Variants in COX5A observed in about 807,000 individuals in gnomAD.
COX5A encodes the protein cytochrome c oxidase subunit 5A, mitochondrial.
COX5A carries 6 observed loss-of-function variants against 16.1 expected under a neutral mutation model. The ratio of observed to expected loss-of-function variants is 0.37; its 90% CI spans 0.20 to 0.73. COX5A has a LOEUF of 0.73. COX5A is among the 30% of genes least tolerant of loss of function. The pLI is 0.50. For missense variants in COX5A, 159 were observed against 194.9 expected, an observed-to-expected ratio of 0.82 and a Z score of 1.10; for synonymous variants, 73 against 73.8, an observed-to-expected ratio of 0.99 and a Z score of 0.06.
At chr15:74,928,913 A>C (rs2141272436) in intron 2 of COX5A, among the ~76,000 whole-genome samples, 1 of 152,320 alleles carries the variant, frequency 6.6e-6, no homozygotes, top group Middle Eastern at 3.4e-3. Context: ...CCCCTACAAC[A>C]AAGAATTATC....
Position 74,926,747 on chromosome 15 carries a change from G to C in COX5A, c.339+19C>G, listed in dbSNP as rs546553770. The C allele has an allele frequency of 6.8e-5, 109 of 1,599,092 alleles. No individual in the cohort carries two copies. The Middle Eastern group carries it at 8.3e-4, about 12-fold the overall frequency. ...CCCACTCATTTACAGAACAATTTTA[G>C]CATTATTATTTCACTGACCTTAACA... On this transcript the variant is annotated intron_variant, in intron 3 of 4. Transcript: ENST00000322347.
In COX5A at chr15:74,926,802, A is replaced by C. The variant is rs752698153; in HGVS notation, c.303T>G (p.Asp101Glu). The C allele has an allele frequency of 6.2e-7, 1 of 1,613,954 alleles. No homozygotes were observed. Among genetic ancestry groups the C allele is most frequent in the South Asian group, 1.1e-5 (1 of 91,054 alleles). ...CTAGGATACGAACTGTACTAGCAAA[A>C]TCATTTAACCGTCTGCATGCCCGCA... ...AALRACRRLN[D>E]FASTVRILEV... The change falls in exon 3 of 5, where the codon GAT becomes GAG. Residue 101 changes from aspartate (D) to glutamate (E), a missense_variant. Asp to Glu is a conservative substitution (Grantham distance 45). Transcript: ENST00000322347.
chr15:74,920,702 A>C (rs1181085266), intron 4 of COX5A, among the ~76,000 whole-genome samples: 1 of 152,116 alleles, frequency 6.6e-6, no homozygotes, highest in African/African-American at 2.4e-5. Flanking sequence ...TTTGGGCCGG[A>C]CACGGTGACT....
At chr15:74,933,736 A>G (rs1411189779) in intron 1 of COX5A, among the ~76,000 whole-genome samples, 1 of 152,166 alleles carries the variant, frequency 6.6e-6, no homozygotes, top group Non-Finnish European at 1.5e-5. Flanking sequence ...ACTCCTAAGT[A>G]TTTACCCAAT....
chr15:74,930,380 T>G (rs2065361481), intron 1 of COX5A, among the ~76,000 whole-genome samples: 1 of 132,882 alleles, frequency 7.5e-6, no homozygotes, highest in Non-Finnish European at 1.5e-5. Context: ...ATTGTGCCAC[T>G]GCACTCCAGC....
At chr15:74,929,297 C>A in intron 1 of COX5A, 65 bp from the exon 2 acceptor site, 1 of 1,169,422 alleles carries the variant, frequency 8.6e-7, no homozygotes, top group South Asian at 1.3e-5. Context: ...TTGTTCAATG[C>A]ATTAAATTTT....
chr15:74,927,520 T>G (rs2065349551), intron 2 of COX5A, among the ~76,000 whole-genome samples: 1 of 151,928 alleles, frequency 6.6e-6, no homozygotes, highest in South Asian at 2.1e-4. Context: ...TTGGATGCTT[T>G]AAAAGAGATT....
intron 2 of COX5A, among the ~76,000 whole-genome samples, chr15:74,927,361 G>A (rs1274465547): frequency 6.6e-6 from 1 of 152,006 alleles, no homozygotes; most frequent in East Asian, 1.9e-4. Flanking sequence ...ATTTTTAGTA[G>A]AGACGGGGTT....
In COX5A at chr15:74,926,879, T is replaced by C. The variant is rs2065346885; in HGVS notation, c.226A>G (p.Thr76Ala). The change falls in exon 3 of 5, where the codon ACA becomes GCA. Residue 76 changes from threonine to alanine, a missense_variant. Thr to Ala is a moderately conservative substitution (Grantham distance 58, BLOSUM62 0). Coordinates refer to ENST00000322347, the MANE Select transcript of COX5A (RefSeq NM_004255.4). Reference protein sequence around the residue: ...DAWELRKGINTLVTYDMVPEP... With the variant: ...DAWELRKGINALVTYDMVPEP... Reference sequence around the variant, plus strand: ...GGAACCATATCATAGGTAACAAGTGTGTTTATCCCTGCAAAATTAAAAAGA... The same window carrying C: ...GGAACCATATCATAGGTAACAAGTGCGTTTATCCCTGCAAAATTAAAAAGA... 1 of 1,609,654 alleles carries C rather than the reference T, an allele frequency of 6.2e-7. No individual in the cohort carries two copies. The highest frequency in any genetic ancestry group is 8.5e-7 in the Non-Finnish European group (1 of 1,178,708).
chr15:74,930,694 A>G (rs550287419), intron 1 of COX5A, among the ~76,000 whole-genome samples: 1 of 148,988 alleles, frequency 6.7e-6, no homozygotes, highest in South Asian at 2.1e-4. Flanking sequence ...TCTTAAATAA[A>G]CTTATATACT....
At chr15:74,932,759 C>T (rs1191918669) in intron 1 of COX5A, among the ~76,000 whole-genome samples, 4 of 151,384 alleles carry the variant, frequency 2.6e-5, no homozygotes, top group Non-Finnish European at 4.4e-5. Flanking sequence ...TGCAATGGCA[C>T]GATTTCGGCT....
intron 4 of COX5A, 32 bp downstream of exon 4, chr15:74,923,616 T>C (rs1298254836): frequency 7.7e-7 from 1 of 1,300,844 alleles, no homozygotes; most frequent in African/African-American, 1.5e-5. Context: ...TCTGGATTGT[T>C]TTCCTGCCTT....
chr15:74,932,986 G>A (rs969355285), intron 1 of COX5A, among the ~76,000 whole-genome samples: 4 of 151,576 alleles, frequency 2.6e-5, no homozygotes, highest in Admixed American at 2.0e-4. Flanking sequence ...ATGAGCCACG[G>A]TGCCCAGCCT....
intron 4 of COX5A, among the ~76,000 whole-genome samples, chr15:74,921,376 C>A (rs2065319045): frequency 1.4e-5 from 2 of 142,626 alleles, no homozygotes; most frequent in African/African-American, 2.6e-5. Context: ...CCACTGCACT[C>A]CAGCCTGGGT....
intron 1 of COX5A, among the ~76,000 whole-genome samples, chr15:74,930,472 A>AAC (rs1478355230): frequency 2.6e-3 from 36 of 14,068 alleles, no homozygotes; most frequent in Admixed American, 6.8e-3. Context: ...AAAAAGCAAC[A>AAC]AAAAAAAAAA....
rs2065331710 is a variant in COX5A at position 74,923,741 on chromosome 15, G to A, written c.369C>T (p.Tyr123=). 1 of 1,610,200 alleles carries A rather than the reference G, an allele frequency of 6.2e-7. No individual in the cohort carries two copies. Among genetic ancestry groups the A allele is most frequent in the Non-Finnish European group, 8.5e-7 (1 of 1,178,200 alleles). The change falls in exon 4 of 5, where the codon TAC becomes TAT. Residue 123 remains tyrosine, a synonymous_variant. Transcript: ENST00000322347. ...GTCTAAGTTCCTGGATGACATAGGG[G>A]TAGATTTCCTTATGAGGTCCTGCTT... is the stretch of plus-strand genomic sequence containing the variant. The part of the protein sequence containing the change: ...KDKAGPHKEI[Y]PYVIQELRPT...
chr15:74,933,417 AAATATCTATCT>A (rs968279785), intron 1 of COX5A, among the ~76,000 whole-genome samples: 2 of 139,912 alleles, frequency 1.4e-5, no homozygotes, highest in Non-Finnish European at 3.1e-5. Context: ...TCAAAAAAAA[AAATATCTATCT>A]ATCTATCTAT....
intron 1 of COX5A, among the ~76,000 whole-genome samples, chr15:74,936,696 G>A (rs570654526): frequency 2.4e-4 from 32 of 135,092 alleles, no homozygotes; most frequent in Admixed American, 4.2e-4. Context: ...GCGCGATTTC[G>A]GCTCACTGCA....
At chr15:74,926,672 G>A (rs2065346039) in intron 3 of COX5A, 94 bp downstream of exon 3, 4 of 1,323,340 alleles carry the variant, frequency 3.0e-6, no homozygotes, top group Middle Eastern at 1.9e-4. Context: ...CTCATTTTAG[G>A]CATTTTAACA....
Sources: allele counts gnomAD v4.1 joint callset (sites outside exome capture counted in the v4.1 genomes callset), GRCh38; gene constraint gnomAD v4.1.1; transcripts MANE v1.5; gene names NCBI Gene and HGNC (gene_info 2026-07-23, HGNC 2026-07-21).